MBTPS1: variants seen among roughly 807,000 people sequenced by gnomAD.
MBTPS1 encodes the protein membrane bound transcription factor peptidase, site 1.
A neutral mutation model predicts 127.8 loss-of-function variants in MBTPS1; 94 were observed. That is an observed-to-expected ratio of 0.74 (90% confidence interval 0.62 to 0.87). MBTPS1 has a LOEUF of 0.87. Among genes scored for constraint, MBTPS1 ranks in the 40% least tolerant of loss-of-function variants. The pLI is 0.00. For synonymous variants in MBTPS1, 632 were observed against 509.4 expected (o/e 1.24, Z -3.24); for missense variants, 1,636 against 1,353.2 (o/e 1.21, Z -3.28).
chr16:84,107,068 G>A (rs1257721654), intron 1 of MBTPS1, among the ~76,000 whole-genome samples: 35 of 152,290 alleles, frequency 2.3e-4, no homozygotes, highest in South Asian at 1.0e-3. Flanking sequence ...TCAAGGGCAC[G>A]GCTTAGGGCA....
intron 19 of MBTPS1, 46 bp from the exon 20 acceptor site, chr16:84,060,859 A>T: frequency 6.6e-7 from 1 of 1,516,530 alleles, no homozygotes; most frequent in Non-Finnish European, 8.9e-7. Context: ...TTTTTTTTCC[A>T]GACAGAGTCA....
At position 84,099,038 on chromosome 16, in the gene MBTPS1, A is replaced by C. The variant is rs765660196; in HGVS notation, c.421+15T>G. ...AAACAGCAGAGAGAAATTTGCCTAC[A>C]GTCACAATACTCACATTCAGCATAC... On this transcript the variant is annotated intron_variant, in intron 3 of 22. Transcript: ENST00000343411. 2 of 1,610,242 alleles carry C rather than the reference A, an allele frequency of 1.2e-6. No individual in the cohort carries two copies. Among genetic ancestry groups the C allele is most frequent in the Non-Finnish European group, 1.7e-6 (2 of 1,177,224 alleles).
chr16:84,099,125 G>A lies in MBTPS1; in HGVS notation c.349C>T (p.Leu117Phe). The change falls in exon 3 of 23, where the codon CTT becomes TTT. Residue 117 changes from leucine (L) to phenylalanine (F), a missense_variant. Physicochemically the swap from Leu to Phe is conservative, Grantham distance 22. Transcript: ENST00000343411. ...KEKQKAGLLTLEDHPNIKRVT... is the reference protein window; with the variant it reads ...KEKQKAGLLTFEDHPNIKRVT... ...CGTTTGATGTTTGGATGATCTTCAA[G>A]TGTTAGCAGCCCCGCTTTCTGTTTT... 6.2e-7 allele frequency: 1 copy of A among 1,614,170 alleles called. No homozygotes were observed. Among genetic ancestry groups the A allele is most frequent in the Non-Finnish European group, 8.5e-7 (1 of 1,180,018 alleles).
intron 1 of MBTPS1, chr16:84,110,821 C>G (rs2086387270): frequency 6.6e-6 from 1 of 152,218 alleles, no homozygotes; most frequent in South Asian, 2.1e-4. Flanking sequence ...TTCCTAAAAT[C>G]TCCCCTAGGG....
intron 1 of MBTPS1, among the ~76,000 whole-genome samples, chr16:84,112,665 A>G (rs1340004195): frequency 6.7e-6 from 1 of 149,906 alleles, no homozygotes; most frequent in African/African-American, 2.5e-5. Context: ...CGGTCTCAAA[A>G]AAAACAAAAA....
At chr16:84,069,768 A>AT in intron 14 of MBTPS1, 98 bp downstream of exon 14, 1 of 1,160,014 alleles carries the variant, frequency 8.6e-7, no homozygotes, top group Non-Finnish European at 1.2e-6. Context: ...AGGCTCCACG[A>AT]GAAGCTGAGC....
At chr16:84,078,952 C>A (rs554451220) in intron 11 of MBTPS1, among the ~76,000 whole-genome samples, 1 of 152,346 alleles carries the variant, frequency 6.6e-6, no homozygotes, top group South Asian at 2.1e-4. Flanking sequence ...TGCTCGCCCC[C>A]TCCCAATCTC....
At chr16:84,091,473 T>C (rs3785023) in intron 7 of MBTPS1, among the ~76,000 whole-genome samples, 94,279 of 129,620 alleles carry the variant, frequency 0.73, 31,896 homozygotes, top group East Asian at 0.87. Flanking sequence ...CCAACAAGAA[T>C]AAAACTCCAT....
rs1042077586 is a variant in MBTPS1 at position 84,054,478 on chromosome 16, C to T, written c.3130G>A (p.Val1044Ile). 3 of 1,610,096 alleles carry T rather than the reference C, an allele frequency of 1.9e-6. No individual in the cohort carries two copies. Among genetic ancestry groups the T allele is most frequent in the Non-Finnish European group, 2.5e-6 (3 of 1,177,864 alleles). Residue 1044 changes from valine (V) to isoleucine (I), a missense_variant, in exon 23 of 23, where the codon GTT becomes ATT. Coordinates refer to ENST00000343411, the MANE Select transcript of MBTPS1 (RefSeq NM_003791.4). ...RVKRPQLMQQ[V>I]HPPKTPSV ...ACCGAAGGGGTCTTTGGCGGGTGAA[C>T]CTGCTGCATGAGCTGCGGGCGCTTC...
chr16:84,081,945 G>C (rs2085948618), intron 10 of MBTPS1, 37 bp from the exon 11 acceptor site: 1 of 1,345,234 alleles, frequency 7.4e-7, no homozygotes, highest in Non-Finnish European at 9.7e-7. Flanking sequence ...TTTTCTCTCA[G>C]TAAAAGAATG....
At chr16:84,076,344 C>T (rs112941563) in intron 11 of MBTPS1, among the ~76,000 whole-genome samples, 13 of 152,110 alleles carry the variant, frequency 8.5e-5, no homozygotes, top group African/African-American at 2.2e-4. Flanking sequence ...TCTTACTTAA[C>T]GGAGAAATAC....
At chr16:84,059,249 C>A in intron 21 of MBTPS1, 53 bp downstream of exon 21, 7 of 1,566,574 alleles carry the variant, frequency 4.5e-6, no homozygotes, top group Non-Finnish European at 5.2e-6. Context: ...ATAAGAAAAG[C>A]AATGACTCAC....
rs1373130550 is a variant in MBTPS1, at chr16:84,085,580, CCA to C, written c.1135-448_1135-447del. Among the ~76,000 whole-genome samples, 444 of 104,784 alleles carry C rather than the reference CCA, an allele frequency of 4.2e-3. 13 individuals carry two copies. The highest frequency in any genetic ancestry group is 0.014 in the African/African-American group (417 of 30,668). 68.7% of individuals were successfully genotyped at this position (104,784 alleles called of 152,430 possible). A position where few individuals can be genotyped will look rare whatever the true frequency, so the allele number is the denominator to read the frequency against. On this transcript the variant is annotated intron_variant, in intron 9 of 22. Coordinates refer to ENST00000343411, the MANE Select transcript of MBTPS1 (RefSeq NM_003791.4). ...CCTCAGCCCCGCACCCGCCCCCCCCCCAAAAAAAAAGAGAAAAAAACAAAGAA... is the reference window on the plus strand; with the variant it reads ...CCTCAGCCCCGCACCCGCCCCCCCCCAAAAAAAAGAGAAAAAAACAAAGAA...
intron 1 of MBTPS1, among the ~76,000 whole-genome samples, chr16:84,106,523 T>C (rs868333392): frequency 6.6e-6 from 1 of 151,664 alleles, no homozygotes; most frequent in African/African-American, 2.4e-5. Context: ...ATTCCTGGTG[T>C]GTGTGTGAGG....
At chr16:84,055,016 G>A (rs2085500749) in intron 22 of MBTPS1, among the ~76,000 whole-genome samples, 1 of 152,222 alleles carries the variant, frequency 6.6e-6, no homozygotes, top group African/African-American at 2.4e-5. Flanking sequence ...TCTATCCAGG[G>A]GAGAAGGAGG....
At chr16:84,090,815 A>G in intron 8 of MBTPS1, 60 bp downstream of exon 8, 1 of 1,222,030 alleles carries the variant, frequency 8.2e-7, no homozygotes, top group Non-Finnish European at 1.2e-6. Flanking sequence ...ACAGATAACA[A>G]TTTTTCAGTT....
chr16:84,081,844 G>C lies in MBTPS1; in HGVS notation c.1351C>G (p.Arg451Gly). 1 of 1,529,928 alleles carries C rather than the reference G, an allele frequency of 6.5e-7. No homozygotes were observed. Among genetic ancestry groups the C allele is most frequent in the Non-Finnish European group, 8.8e-7 (1 of 1,136,404 alleles). 94.8% of individuals were successfully genotyped at this position (1,529,928 alleles called of 1,614,324 possible). A position where few individuals can be genotyped will look rare whatever the true frequency, so the allele number is the denominator to read the frequency against. ...SMKQALIASA[R>G]RLPGVNMFEQ... The stretch of plus-strand genomic sequence containing the variant: ...AACATGTTGACCCCGGGGAGCCTCC[G>C]GGCTGACGCGATCAGGGCCTGCTTC... Residue 451 changes from arginine to glycine, a missense_variant, in exon 11 of 23, where the codon CGG becomes GGG. Physicochemically the swap from Arg to Gly is moderately radical, Grantham distance 125. Transcript: ENST00000343411.
At chr16:84,098,622 A>C (rs2086211572) in intron 3 of MBTPS1, among the ~76,000 whole-genome samples, 1 of 152,192 alleles carries the variant, frequency 6.6e-6, no homozygotes, top group South Asian at 2.1e-4. Context: ...AAATAAATAA[A>C]TAAAAAGGAA....
At chr16:84,064,638 G>A (rs953833372) in intron 18 of MBTPS1, among the ~76,000 whole-genome samples, 2 of 152,128 alleles carry the variant, frequency 1.3e-5, no homozygotes, top group Admixed American at 6.5e-5. Context: ...TGAGACCACC[G>A]CTTTGATCCC....
Sources: allele counts gnomAD v4.1 joint callset (sites outside exome capture counted in the v4.1 genomes callset), GRCh38; gene constraint gnomAD v4.1.1; transcripts MANE v1.5; gene names NCBI Gene and HGNC (gene_info 2026-07-23, HGNC 2026-07-21).